Variants in DDX52 observed in about 807,000 individuals in gnomAD.
DDX52 encodes the protein DExD-box helicase 52, also known as probable ATP-dependent RNA helicase DDX52.
DDX52 carries 59 observed loss-of-function variants against 76.1 expected under a neutral mutation model. The ratio of observed to expected loss-of-function variants is 0.78; its 90% CI spans 0.63 to 0.96. The LOEUF is 0.96. Ranked by LOEUF, DDX52 falls within the 40% of genes least tolerant of loss-of-function variation. The probability of loss-of-function intolerance (pLI) is 0.00; values close to 1 mark genes in which losing one functional copy is unlikely to be tolerated. For synonymous variants in DDX52, 231 were observed against 244.1 expected (o/e 0.95, Z 0.50); for missense variants, 707 against 703.9 (o/e 1.00, Z -0.05).
At chr17:37,625,489 G>A (rs1404962230) in intron 8 of DDX52, among the ~76,000 whole-genome samples, 1 of 151,904 alleles carries the variant, frequency 6.6e-6, no homozygotes, top group Non-Finnish European at 1.5e-5. Context: ...TTCTGTCACT[G>A]AGCATTTATT....
Position 37,613,596 on chromosome 17 carries a change from T to A in DDX52, c.*700A>T, listed in dbSNP as rs1324472925. The A allele has an allele frequency of 6.6e-6, 1 of 152,196 alleles. No individual in the cohort carries two copies. Among genetic ancestry groups the A allele is most frequent in the Non-Finnish European group, 1.5e-5 (1 of 68,036 alleles). 9.4% of individuals were successfully genotyped at this position (152,196 alleles called of 1,614,324 possible). A position where few individuals can be genotyped will look rare whatever the true frequency, so the allele number is the denominator to read the frequency against. On this transcript the variant is annotated 3_prime_UTR_variant, in exon 15 of 15. Coordinates refer to ENST00000617633, the MANE Select transcript of DDX52 (RefSeq NM_007010.5). ...CAAAGAATTTAAAATCCCAGGGAAC[T>A]GGAATAACCAGCCACAAAAGAGGCC...
chr17:37,633,551 G>A (rs1457668843), intron 2 of DDX52, 133 bp from the exon 3 acceptor site: 3 of 560,944 alleles, frequency 5.3e-6, no homozygotes, highest in South Asian at 5.0e-5. Flanking sequence ...AGCTACTTAG[G>A]AGGCTGAGTG....
intron 8 of DDX52, among the ~76,000 whole-genome samples, chr17:37,625,381 TACAA>T (rs1387202998): frequency 6.6e-6 from 1 of 152,198 alleles, no homozygotes; most frequent in Non-Finnish European, 1.5e-5. Context: ...AATATGGTAC[TACAA>T]ACACTTTTTC....
At chr17:37,621,773 C>T (rs1034804386) in intron 9 of DDX52, among the ~76,000 whole-genome samples, 1 of 152,190 alleles carries the variant, frequency 6.6e-6, no homozygotes, top group Non-Finnish European at 1.5e-5. Context: ...CCCCCTACAC[C>T]CCACTATGGT....
chr17:37,636,485 T>C (rs193032999), intron 2 of DDX52, among the ~76,000 whole-genome samples: 4 of 152,320 alleles, frequency 2.6e-5, no homozygotes, highest in Admixed American at 2.6e-4. Context: ...GAAGAAACTA[T>C]GCAAAAATTT....
At chr17:37,615,372 T>C (rs2064412390) in intron 14 of DDX52, among the ~76,000 whole-genome samples, 2 of 152,220 alleles carry the variant, frequency 1.3e-5, no homozygotes, top group South Asian at 4.1e-4. Context: ...TTAGTACAAA[T>C]TAAGTTTTAA....
chr17:37,635,532 C>T, intron 2 of DDX52: 1 of 447,890 alleles, frequency 2.2e-6, no homozygotes, highest in South Asian at 1.6e-5. Flanking sequence ...CTATGTTGCA[C>T]CATGTATCAA....
chr17:37,642,005 A>G (rs2031222883), intron 2 of DDX52, 105 bp downstream of exon 2: 22 of 1,392,310 alleles, frequency 1.6e-5, no homozygotes, highest in Non-Finnish European at 3.0e-6. Context: ...GAGTGCCATC[A>G]GCTGACAAAT....
In DDX52 at chr17:37,613,367, G is replaced by A. The variant is rs1167563682; in HGVS notation, c.*929C>T. The A allele has an allele frequency of 1.3e-5, 2 of 151,990 alleles. No individual in the cohort carries two copies. The highest frequency in any genetic ancestry group is 2.9e-5 in the Non-Finnish European group (2 of 67,990). 9.4% of individuals were successfully genotyped at this position (151,990 alleles called of 1,614,324 possible). A position where few individuals can be genotyped will look rare whatever the true frequency, so the allele number is the denominator to read the frequency against. ...TAAGCTGTAAGAGAATGAAGACAGA[G>A]GTATATCAAGTAACAAGAACATTCT... On this transcript the variant is annotated 3_prime_UTR_variant, in exon 15 of 15. Coordinates refer to ENST00000617633, the MANE Select transcript of DDX52 (RefSeq NM_007010.5).
intron 13 of DDX52, 148 bp downstream of exon 13, chr17:37,619,620 G>A: frequency 1.6e-6 from 1 of 628,324 alleles, no homozygotes; most frequent in Non-Finnish European, 2.7e-6. Flanking sequence ...ACTGAGGCAG[G>A]AGGATCACTT....
intron 9 of DDX52, among the ~76,000 whole-genome samples, 157 bp from the exon 10 acceptor site, chr17:37,621,677 G>A (rs139987116): frequency 1.1e-3 from 174 of 152,114 alleles, no homozygotes; most frequent in African/African-American, 4.0e-3. Context: ...CTCCATCTTC[G>A]TCACCATTCT....
In DDX52 at chr17:37,632,247, G is replaced by T; in HGVS notation, c.469C>A (p.Pro157Thr). 6.2e-7 allele frequency: 1 copy of T among 1,614,088 alleles called. No individual in the cohort carries two copies. The highest frequency in any genetic ancestry group is 1.1e-5 in the South Asian group (1 of 91,078). ...TGCTGAAATGTAGCAATTGGGTCAG[G>T]AAGATCGGTTCCTTGGACGTGAATT... ...HKIHVQGTDL[P>T]DPIATFQQLD... The change falls in exon 4 of 15, where the codon CCT (proline) becomes ACT (threonine). Residue 157 changes from proline to threonine, a missense_variant. Transcript: ENST00000617633.
chr17:37,635,567 A>G (rs895631410), intron 2 of DDX52: 8 of 455,130 alleles, frequency 1.8e-5, no homozygotes, highest in African/African-American at 4.0e-5. Flanking sequence ...ATTACTAGGT[A>G]GTATTCCATT....
chr17:37,623,637 G>A (rs532276924), intron 9 of DDX52, among the ~76,000 whole-genome samples: 10 of 152,132 alleles, frequency 6.6e-5, no homozygotes, highest in Admixed American at 5.9e-4. Flanking sequence ...TCCCCTCCAC[G>A]TTTTATCCTG....
chr17:37,635,088 C>T (rs866189450), intron 2 of DDX52, among the ~76,000 whole-genome samples: 3 of 152,088 alleles, frequency 2.0e-5, no homozygotes, highest in South Asian at 2.1e-4. Flanking sequence ...TGTGAGCCAC[C>T]GCGCCTGGCC....
rs868433093 is a variant in DDX52 at position 37,624,937 on chromosome 17, C to T, written c.1137-503G>A. On this transcript the variant is annotated intron_variant, in intron 8 of 14. Transcript: ENST00000617633. ...TTTTATCTAAATATATTTAAATATA[C>T]ATTAACCATATTTAAATATGTTTAA... Among the ~76,000 whole-genome samples, 11 of 152,056 alleles carry T rather than the reference C, an allele frequency of 7.2e-5. No homozygotes were observed. In the Middle Eastern group the frequency reaches 0.014, roughly 188 times the overall value.
Position 37,621,411 on chromosome 17 carries a change from C to T in DDX52, c.1337G>A (p.Arg446Lys), listed in dbSNP as rs765086678. 93 of 1,612,444 alleles carry T rather than the reference C, an allele frequency of 5.8e-5. No homozygotes were observed. Among genetic ancestry groups the T allele is most frequent in the African/African-American group, 2.0e-4 (15 of 74,844 alleles). The change falls in exon 10 of 15, where the codon AGA becomes AAA. Residue 446 changes from arginine (R) to lysine (K), a missense_variant. Arg to Lys is a conservative substitution (Grantham distance 26). Transcript: ENST00000617633. ...GINVDVIHAERTQQQRDNTVH... is the reference protein window; with the variant it reads ...GINVDVIHAEKTQQQRDNTVH... ...ATTTGACTTTACCTGTTGTTGTGTT[C>T]TCTCTGCATGAATAACATCCACATT...
In DDX52 at chr17:37,643,442, G is replaced by C; in HGVS notation, c.-22C>G. 1 of 1,612,280 alleles carries C rather than the reference G, an allele frequency of 6.2e-7. No individual in the cohort carries two copies. The highest frequency in any genetic ancestry group is 1.7e-4 in the Middle Eastern group (1 of 6,058). On this transcript the variant is annotated 5_prime_UTR_variant, in exon 1 of 15. Transcript: ENST00000617633. ...CCATCTTTACCCAGAAAGCGCCACA[G>C]TTCTACGGCGCCTGCGCAGACTACT... is the stretch of plus-strand genomic sequence containing the variant.
chr17:37,615,610 G>C (rs2064415484), intron 14 of DDX52, among the ~76,000 whole-genome samples: 1 of 152,192 alleles, frequency 6.6e-6, no homozygotes, highest in Non-Finnish European at 1.5e-5. Context: ...AGCCCAGGAG[G>C]TCGAGGCTGC....
Sources: allele counts gnomAD v4.1 joint callset (sites outside exome capture counted in the v4.1 genomes callset), GRCh38; gene constraint gnomAD v4.1.1; transcripts MANE v1.5; gene names NCBI Gene and HGNC (gene_info 2026-07-23, HGNC 2026-07-21).